The following RNF180 variants were observed in gnomAD, a reference collection of about 807,000 sequenced individuals.
RNF180 encodes the protein ring finger protein 180, also known as E3 ubiquitin-protein ligase RNF180.
In RNF180, 38 loss-of-function variants were observed where a neutral mutation model predicts 59.2. The observed-to-expected ratio is 0.64, with a 90% CI of 0.50 to 0.84. The LOEUF is 0.84. Ranked by LOEUF, RNF180 falls within the 40% of genes least tolerant of loss-of-function variation. RNF180 has a pLI of 0.00. For synonymous variants in RNF180, 262 were observed against 240.3 expected (o/e 1.09, Z -0.84); for missense variants, 705 against 700.9 (o/e 1.01, Z -0.07).
intron 5 of RNF180, among the ~76,000 whole-genome samples, chr5:64,231,686 C>T (rs544756394): frequency 3.9e-5 from 6 of 152,338 alleles, no homozygotes; most frequent in African/African-American, 1.4e-4. Flanking sequence ...TCTTCTTACT[C>T]AGAAGCTAAT....
At chr5:64,248,710 G>T (rs1212689643) in intron 5 of RNF180, among the ~76,000 whole-genome samples, 2 of 152,132 alleles carry the variant, frequency 1.3e-5, no homozygotes, top group East Asian at 1.9e-4. Context: ...ATTCCTCAAG[G>T]ATCTAAAACC....
chr5:64,286,174 C>T (rs2112407058), intron 5 of RNF180, among the ~76,000 whole-genome samples: 1 of 152,242 alleles, frequency 6.6e-6, no homozygotes, highest in Non-Finnish European at 1.5e-5. Context: ...GACTTGCAAC[C>T]TCAGAAATAG....
At chr5:64,200,977 G>A (rs1254063027) in intron 2 of RNF180, 35 bp downstream of exon 2, 4 of 1,594,136 alleles carry the variant, frequency 2.5e-6, no homozygotes, top group Non-Finnish European at 3.4e-6. Flanking sequence ...CAGTTTCCTG[G>A]TAGAGGAGTG....
Position 64,221,860 on chromosome 5 carries a change from G to A in RNF180, c.1227+4464G>A, listed in dbSNP as rs918989697. 2.0e-4 allele frequency among the ~76,000 whole-genome samples: 30 copies of A among 152,246 alleles called. No homozygotes were observed. The East Asian group carries it at 2.3e-3, about 12-fold the overall frequency. On this transcript the variant is annotated intron_variant, in intron 5 of 7. Coordinates refer to ENST00000389100, the MANE Select transcript of RNF180 (RefSeq NM_001113561.2). ...CAGGGAGTTCCCAAATGCTCCACAC[G>A]TAGTCTTCTGGATTGTTCATATCTT...
chr5:64,364,942 A>G (rs2112613062), intron 7 of RNF180, among the ~76,000 whole-genome samples: 1 of 149,678 alleles, frequency 6.7e-6, no homozygotes, highest in South Asian at 2.1e-4. Flanking sequence ...CTGATTGTTT[A>G]CTTGGATCTT....
At chr5:64,298,548 A>G (rs974914498) in intron 5 of RNF180, among the ~76,000 whole-genome samples, 4 of 152,080 alleles carry the variant, frequency 2.6e-5, no homozygotes, top group African/African-American at 9.7e-5. Context: ...GAAATAGAAT[A>G]TAATGCCTTA....
intron 1 of RNF180, among the ~76,000 whole-genome samples, chr5:64,195,563 G>A (rs1489457297): frequency 1.3e-5 from 2 of 152,142 alleles, no homozygotes; most frequent in Non-Finnish European, 2.9e-5. Context: ...TCAGAATTTA[G>A]TATAATGAAA....
chr5:64,366,679 A>G (rs745464997), intron 7 of RNF180, among the ~76,000 whole-genome samples: 3 of 151,624 alleles, frequency 2.0e-5, no homozygotes, highest in African/African-American at 4.8e-5. Context: ...CCAGTCAGAC[A>G]AAAATAAAGA....
intron 5 of RNF180, among the ~76,000 whole-genome samples, chr5:64,235,934 T>C (rs1456336349): frequency 2.0e-5 from 3 of 152,200 alleles, no homozygotes; most frequent in Non-Finnish European, 4.4e-5. Context: ...ATTCTTTCTT[T>C]ACAAATTACC....
At chr5:64,236,809 G>C (rs1331688238) in intron 5 of RNF180, among the ~76,000 whole-genome samples, 1 of 152,206 alleles carries the variant, frequency 6.6e-6, no homozygotes, top group Non-Finnish European at 1.5e-5. Context: ...TCAAGGAACA[G>C]CTCAGGCTGT....
chr5:64,226,615 C>T (rs1316244737), intron 5 of RNF180, among the ~76,000 whole-genome samples: 3 of 151,942 alleles, frequency 2.0e-5, no homozygotes, highest in African/African-American at 4.8e-5. Context: ...ATCCTATGAC[C>T]CTGCCACATC....
intron 5 of RNF180, among the ~76,000 whole-genome samples, chr5:64,245,779 T>C (rs1743114278): frequency 6.6e-6 from 1 of 152,152 alleles, no homozygotes; most frequent in Non-Finnish European, 1.5e-5. Context: ...AATAGACATC[T>C]ACAGAACTTT....
chr5:64,286,484 A>G (rs992373136), intron 5 of RNF180, among the ~76,000 whole-genome samples: 2 of 152,244 alleles, frequency 1.3e-5, no homozygotes, highest in African/African-American at 4.8e-5. Context: ...CAAATAATAG[A>G]TAAGGGGGAA....
intron 5 of RNF180, among the ~76,000 whole-genome samples, chr5:64,237,164 C>T (rs1190623715): frequency 2.0e-5 from 3 of 152,158 alleles, no homozygotes; most frequent in African/African-American, 4.8e-5. Context: ...AGGCATTCAG[C>T]GCCAGTGTGT....
At chr5:64,344,530 A>AAAAG (rs10524410) in intron 7 of RNF180, among the ~76,000 whole-genome samples, 67,619 of 151,592 alleles carry the variant, frequency 0.45, 16,407 homozygotes, top group African/African-American at 0.65. Flanking sequence ...CTGCTAGAAA[A>AAAAG]AAAAACACAC....
chr5:64,262,770 T>A (rs1744418587), intron 5 of RNF180, among the ~76,000 whole-genome samples: 1 of 152,156 alleles, frequency 6.6e-6, no homozygotes, highest in Non-Finnish European at 1.5e-5. Flanking sequence ...ATTTTGAGCA[T>A]TAAAGTCCTC....
At chr5:64,182,446 T>C (rs1750650988) in intron 1 of RNF180, among the ~76,000 whole-genome samples, 1 of 152,206 alleles carries the variant, frequency 6.6e-6, no homozygotes, top group Admixed American at 6.5e-5. Context: ...GAAACATTAG[T>C]GTCTGGAAAC....
intron 1 of RNF180, among the ~76,000 whole-genome samples, chr5:64,193,147 T>C (rs1418595833): frequency 6.6e-6 from 1 of 151,834 alleles, no homozygotes; most frequent in East Asian, 1.9e-4. Flanking sequence ...AATCAGTAAC[T>C]GTTGCTTAAT....
In RNF180 at chr5:64,187,839, T is replaced by G. The variant is rs143547717; in HGVS notation, c.1-12969T>G. On this transcript the variant is annotated intron_variant, in intron 1 of 7. Transcript: ENST00000389100. ...TGTGAGAAGCTGTTTTAATTTTTAC[T>G]TAACATAGGAATACTTTTTGTGTCC... Among the ~76,000 whole-genome samples the G allele has an allele frequency of 2.3e-3, 353 of 152,338 alleles. 1 individual carries two copies. Among genetic ancestry groups the G allele is most frequent in the African/African-American group, 8.3e-3 (346 of 41,576 alleles).
Sources: gnomAD v4.1 joint callset for allele counts (sites outside exome capture counted in the v4.1 genomes callset) on GRCh38, gnomAD v4.1.1 for gene constraint, MANE v1.5 for transcripts, NCBI Gene and HGNC (gene_info 2026-07-23, HGNC 2026-07-21) for gene names.